ATP2C1: variants seen among roughly 807,000 people sequenced by gnomAD.
The protein encoded by ATP2C1 is ATPase secretory pathway Ca2+ transporting 1.
ATP2C1 carries 31 observed loss-of-function variants against 120.5 expected under a neutral mutation model. The ratio of observed to expected loss-of-function variants is 0.26; its 90% CI spans 0.19 to 0.35. The LOEUF is 0.35. ATP2C1 is among the 10% of genes least tolerant of loss of function. The probability of loss-of-function intolerance (pLI) is 1.00; values close to 1 mark genes in which losing one functional copy is unlikely to be tolerated. For synonymous variants in ATP2C1, 351 were observed against 358.7 expected (o/e 0.98, Z 0.24); for missense variants, 731 against 1,107.5 (o/e 0.66, Z 4.83).
chr3:130,972,649 A>G (rs2061377002), intron 17 of ATP2C1, among the ~76,000 whole-genome samples: 2 of 120,312 alleles, frequency 1.7e-5, no homozygotes, highest in Admixed American at 2.1e-4. Flanking sequence ...CAGTCCCCAG[A>G]GTGTTCTTCC....
intron 22 of ATP2C1, 74 bp from the exon 23 acceptor site, chr3:130,995,969 C>T: frequency 1.0e-6 from 1 of 1,002,338 alleles, no homozygotes; most frequent in South Asian, 1.3e-5. Context: ...AAAATTAGCT[C>T]TACAGTGTTT....
In ATP2C1 at chr3:130,915,957, G is replaced by A. The variant is rs371728458; in HGVS notation, c.7-14459G>A. Among the ~76,000 whole-genome samples the A allele has an allele frequency of 1.2e-4, 19 of 152,270 alleles. No homozygotes were observed. The East Asian group carries it at 2.5e-3, about 20-fold the overall frequency. On this transcript the variant is annotated intron_variant, in intron 2 of 27. Transcript: ENST00000510168. Reference sequence around the variant, plus strand: ...TATGTATCTTAATAACAGAGGATTAGCCATCCTTATATGTGAAGGGCAGCA... The same window carrying A: ...TATGTATCTTAATAACAGAGGATTAACCATCCTTATATGTGAAGGGCAGCA...
chr3:130,997,036 T>C (rs2062657646), intron 24 of ATP2C1, among the ~76,000 whole-genome samples: 1 of 152,156 alleles, frequency 6.6e-6, no homozygotes, highest in Admixed American at 6.5e-5. Flanking sequence ...AGATCAGGAA[T>C]AGGTGCTATC....
chr3:130,943,865 T>C (rs891335869), intron 8 of ATP2C1, among the ~76,000 whole-genome samples: 2 of 152,208 alleles, frequency 1.3e-5, no homozygotes, highest in East Asian at 1.9e-4. Flanking sequence ...TATAGACTGA[T>C]AAAGTCAGTT....
At chr3:130,877,682 T>C (rs2068648725) in intron 1 of ATP2C1, among the ~76,000 whole-genome samples, 1 of 152,066 alleles carries the variant, frequency 6.6e-6, no homozygotes, top group African/African-American at 2.4e-5. Context: ...ACTTTTACAC[T>C]GTTGGTGGGA....
At chr3:130,872,054 T>C (rs1470988790) in intron 1 of ATP2C1, among the ~76,000 whole-genome samples, 1 of 150,904 alleles carries the variant, frequency 6.6e-6, no homozygotes, top group African/African-American at 2.4e-5. Flanking sequence ...CTTTAAGCAA[T>C]GTCTTGGCCC....
intron 18 of ATP2C1, among the ~76,000 whole-genome samples, chr3:130,977,002 T>C (rs1051907162): frequency 6.6e-6 from 1 of 152,190 alleles, no homozygotes; most frequent in African/African-American, 2.4e-5. Context: ...AACACTTTTG[T>C]TCCCCTTACA....
chr3:130,949,296 G>T (rs2060271792), intron 8 of ATP2C1, among the ~76,000 whole-genome samples: 1 of 152,100 alleles, frequency 6.6e-6, no homozygotes, highest in Admixed American at 6.6e-5. Context: ...CATTCTTATT[G>T]TGGATATGAA....
chr3:131,016,095 T>C, intron 26 of ATP2C1: 1 of 1,594,302 alleles, frequency 6.3e-7, no homozygotes, highest in Non-Finnish European at 8.6e-7. Flanking sequence ...AAATACTGTA[T>C]TTACTTTTGT....
chr3:130,895,456 A>G (rs1384096366), intron 2 of ATP2C1, among the ~76,000 whole-genome samples: 1 of 152,202 alleles, frequency 6.6e-6, no homozygotes. Context: ...TGCTTTTCCT[A>G]CACAGCACTG....
chr3:130,911,155 C>G (rs2058389060), intron 2 of ATP2C1, among the ~76,000 whole-genome samples: 1 of 143,178 alleles, frequency 7.0e-6, no homozygotes, highest in Non-Finnish European at 1.5e-5. Flanking sequence ...AGAGATTCAA[C>G]TTCTTCCTGG....
chr3:130,925,427 C>A (rs972317900), intron 2 of ATP2C1, among the ~76,000 whole-genome samples: 1 of 152,138 alleles, frequency 6.6e-6, no homozygotes, highest in Non-Finnish European at 1.5e-5. Context: ...TGATGTGATC[C>A]GTTTTCAGGT....
chr3:130,926,036 T>C (rs1444335370), intron 2 of ATP2C1, among the ~76,000 whole-genome samples: 1 of 152,148 alleles, frequency 6.6e-6, no homozygotes, highest in Non-Finnish European at 1.5e-5. Context: ...GTGGATACTT[T>C]GCCCCAGACC....
intron 13 of ATP2C1, among the ~76,000 whole-genome samples, chr3:130,964,517 GA>G: frequency 6.6e-6 from 1 of 151,934 alleles, no homozygotes; most frequent in Non-Finnish European, 1.5e-5. Context: ...AATATGCTTT[GA>G]AACTCCAAAA....
intron 11 of ATP2C1, among the ~76,000 whole-genome samples, chr3:130,957,326 A>G (rs1440149786): frequency 1.3e-5 from 2 of 152,070 alleles, no homozygotes. Context: ...ACATTTTACT[A>G]TTTTATTTAA....
rs139651279 is a variant in ATP2C1, at chr3:130,941,275, T to C, written c.423-316T>C. Among the ~76,000 whole-genome samples, 4,863 of 150,792 alleles carry C rather than the reference T, an allele frequency of 0.032. 262 individuals carry two copies. The highest frequency in any genetic ancestry group is 0.11 in the African/African-American group (4,567 of 41,048). ...GTGTGTGTGTGTGTGTCTGTGTGTG[T>C]GCGCGCACGCGCGCATGCATGCGCG... On this transcript the variant is annotated intron_variant, in intron 7 of 27. Coordinates refer to ENST00000510168, the MANE Select transcript of ATP2C1 (RefSeq NM_001378687.1).
chr3:130,979,112 T>A, intron 18 of ATP2C1, 137 bp from the exon 19 acceptor site: 1 of 832,166 alleles, frequency 1.2e-6, no homozygotes, highest in Non-Finnish European at 1.9e-6. Context: ...TGTAATCATT[T>A]TGATTTTACA....
rs962597241 is a variant in ATP2C1, at chr3:130,894,207, G to A, written c.-311G>A. ...CTCCCTCCCGCTCGCTTCTTCTCAC[G>A]CCGGGAGCAGGCTCCCGCCTCGCAC... On this transcript the variant is annotated 5_prime_UTR_variant, in exon 1 of 28. Coordinates refer to ENST00000510168, the MANE Select transcript of ATP2C1 (RefSeq NM_001378687.1). This position sits in a 1 kb window ranked among gnomAD's most constrained non-coding sequence, Gnocchi z 4.5. 5 of 966,298 alleles carry A rather than the reference G, an allele frequency of 5.2e-6. No homozygotes were observed. The African/African-American group carries it at 9.6e-5, about 19-fold the overall frequency. The allele number at this position is 966,298 out of a possible 1,614,324, so 59.9% of individuals were successfully genotyped here. A position where few individuals can be genotyped will look rare whatever the true frequency, so the allele number is the denominator to read the frequency against.
In ATP2C1 at chr3:130,872,875, G is replaced by A. The variant is rs144590745; in HGVS notation, c.108+21947G>A. 3.5e-4 allele frequency among the ~76,000 whole-genome samples: 53 copies of A among 152,142 alleles called. No homozygotes were observed. In the East Asian group the frequency reaches 9.8e-3, roughly 28 times the overall value. ...TGGGATTACAGGTGTGAGCCACTGC[G>A]CCCAGCTTGAGCAGTACTTTTCAAC... On this transcript the variant is annotated intron_variant, in intron 1 of 26. Coordinates refer to the ATP2C1 transcript ENST00000504381.
Sources: allele counts gnomAD v4.1 joint callset (sites outside exome capture counted in the v4.1 genomes callset), GRCh38; gene constraint gnomAD v4.1.1; non-coding constraint Gnocchi (gnomAD v3.1); transcripts MANE v1.5; gene names NCBI Gene and HGNC (gene_info 2026-07-23, HGNC 2026-07-21).